Variants in CDYL2 observed in about 807,000 individuals in gnomAD.
CDYL2 encodes chromodomain Y like 2.
Under a neutral mutation model 49.4 loss-of-function variants are expected in CDYL2, and 23 were observed. The ratio of observed to expected loss-of-function variants is 0.47; its 90% CI spans 0.34 to 0.66. CDYL2 has a LOEUF of 0.66. Among genes scored for constraint, CDYL2 ranks in the 30% least tolerant of loss-of-function variants. CDYL2 has a pLI of 0.01. For missense variants in CDYL2, 678 were observed against 656.4 expected (o/e 1.03, Z -0.36); for synonymous variants, 360 against 268.8 (o/e 1.34, Z -3.32).
intron 1 of CDYL2, among the ~76,000 whole-genome samples, chr16:80,699,047 T>C (rs1904288075): frequency 6.6e-6 from 1 of 152,120 alleles, no homozygotes; most frequent in Non-Finnish European, 1.5e-5. Flanking sequence ...AAGAGAACTT[T>C]ATAAACTGTT....
At chr16:80,775,641 C>T (rs1907057965) in intron 1 of CDYL2, among the ~76,000 whole-genome samples, 1 of 151,732 alleles carries the variant, frequency 6.6e-6, no homozygotes, top group African/African-American at 2.4e-5. Flanking sequence ...GAATGATCAA[C>T]AGAAAATATA....
rs1910133804 is a variant in CDYL2 at position 80,685,048 on chromosome 16, C to T, written c.106G>A (p.Glu36Lys). 3 of 1,614,072 alleles carry T rather than the reference C, an allele frequency of 1.9e-6. No homozygotes were observed. Among genetic ancestry groups the T allele is most frequent in the Non-Finnish European group, 2.5e-6 (3 of 1,180,050 alleles). The change falls in exon 2 of 7, where the codon GAG becomes AAG. Residue 36 changes from glutamate to lysine, a missense_variant. This residue lies in a region of CDYL2 where 478 missense variants were observed against 427.0 expected (regional missense o/e 1.12). Transcript: ENST00000570137. ...LIRWKGYGST[E>K]DTWEPEHHLL... is the part of the protein sequence containing the mutation. ...TGGTGCTCCGGCTCCCACGTGTCCT[C>T]GGTGCTCCCGTAGCCTTTCCATCGG...
At chr16:80,725,013 C>T (rs1027975736) in intron 1 of CDYL2, among the ~76,000 whole-genome samples, 1 of 152,188 alleles carries the variant, frequency 6.6e-6, no homozygotes, top group Admixed American at 6.5e-5. Flanking sequence ...TAAGCATGGT[C>T]TAGATGCCAC....
intron 2 of CDYL2, among the ~76,000 whole-genome samples, chr16:80,683,898 G>C (rs759615056): frequency 6.6e-6 from 1 of 152,210 alleles, no homozygotes; most frequent in African/African-American, 2.4e-5. Context: ...TGAGAAATTA[G>C]ATTTCCATTT....
At chr16:80,722,170 C>T (rs1458001009) in intron 1 of CDYL2, among the ~76,000 whole-genome samples, 2 of 151,162 alleles carry the variant, frequency 1.3e-5, no homozygotes, top group African/African-American at 4.9e-5. Context: ...ATAGAATCAC[C>T]CAAAGAGGTT....
intron 2 of CDYL2, among the ~76,000 whole-genome samples, chr16:80,684,002 G>C (rs912514124): frequency 2.0e-5 from 3 of 152,236 alleles, no homozygotes; most frequent in Non-Finnish European, 4.4e-5. Context: ...CCTAGAGATA[G>C]CAGAAGGACA....
chr16:80,607,549 G>C (rs960522678), intron 6 of CDYL2, among the ~76,000 whole-genome samples: 6 of 152,236 alleles, frequency 3.9e-5, no homozygotes, highest in African/African-American at 1.4e-4. Flanking sequence ...CGCTCTGAGT[G>C]ACTGTTATGA....
intron 1 of CDYL2, among the ~76,000 whole-genome samples, chr16:80,802,732 G>T (rs935124926): frequency 6.6e-6 from 1 of 152,160 alleles, no homozygotes; most frequent in Non-Finnish European, 1.5e-5. Flanking sequence ...TCACACAGGA[G>T]ACCTGTGCTC....
chr16:80,799,024 T>C (rs1453458348), intron 1 of CDYL2, among the ~76,000 whole-genome samples: 2 of 151,788 alleles, frequency 1.3e-5, no homozygotes. Flanking sequence ...TATATATAGA[T>C]ATATATAGAT....
chr16:80,625,346 T>C (rs532252359), intron 3 of CDYL2, among the ~76,000 whole-genome samples: 1 of 152,338 alleles, frequency 6.6e-6, no homozygotes, highest in African/African-American at 2.4e-5. Flanking sequence ...CCTTCTCAGT[T>C]TGTGTCACTC....
chr16:80,649,254 C>A (rs547867039), intron 2 of CDYL2, among the ~76,000 whole-genome samples: 2 of 152,154 alleles, frequency 1.3e-5, no homozygotes, highest in African/African-American at 4.8e-5. Flanking sequence ...GACTCCACAC[C>A]AAACAACTAT....
At chr16:80,761,913 G>A (rs1314282806) in intron 1 of CDYL2, among the ~76,000 whole-genome samples, 1 of 149,202 alleles carries the variant, frequency 6.7e-6, no homozygotes, top group Non-Finnish European at 1.5e-5. Flanking sequence ...GACTGGCCAG[G>A]CACGGTGGTG....
At chr16:80,747,253 G>A (rs1289386159) in intron 1 of CDYL2, among the ~76,000 whole-genome samples, 1 of 152,116 alleles carries the variant, frequency 6.6e-6, no homozygotes, top group Non-Finnish European at 1.5e-5. Flanking sequence ...CCCATAGTGA[G>A]GATCTCAGCA....
At chr16:80,733,920 T>C (rs1280398955) in intron 1 of CDYL2, among the ~76,000 whole-genome samples, 1 of 152,318 alleles carries the variant, frequency 6.6e-6, no homozygotes, top group East Asian at 1.9e-4. Flanking sequence ...AACTCTGCAA[T>C]GACTCCCCAA....
At chr16:80,799,109 T>C (rs1026221061) in intron 1 of CDYL2, among the ~76,000 whole-genome samples, 1 of 152,078 alleles carries the variant, frequency 6.6e-6, no homozygotes, top group African/African-American at 2.4e-5. Flanking sequence ...TTTTTTTAAA[T>C]TACATAAACA....
At chr16:80,725,274 C>G (rs1413227425) in intron 1 of CDYL2, among the ~76,000 whole-genome samples, 2 of 152,172 alleles carry the variant, frequency 1.3e-5, no homozygotes, top group African/African-American at 4.8e-5. Context: ...ATGTCACTTC[C>G]TTGGAGCATC....
rs1039649690 is a variant in CDYL2 at position 80,789,984 on chromosome 16, C to T, written c.24+14166G>A. Among the ~76,000 whole-genome samples the T allele has an allele frequency of 3.9e-5, 6 of 152,124 alleles. No individual in the cohort carries two copies. The East Asian group carries it at 7.7e-4, about 20-fold the overall frequency. ...TACAATATGATGGCTACACTAGAAA[C>T]GCAGCCCCCACCACTATACATGTAA... is the stretch of plus-strand genomic sequence containing the variant. On this transcript the variant is annotated intron_variant, in intron 1 of 6. Transcript: ENST00000570137.
chr16:80,731,612 A>G (rs1460821843), intron 1 of CDYL2, among the ~76,000 whole-genome samples: 1 of 152,206 alleles, frequency 6.6e-6, no homozygotes, highest in African/African-American at 2.4e-5. Flanking sequence ...AAATAGTTTT[A>G]CAGTGGAAGA....
intron 2 of CDYL2, among the ~76,000 whole-genome samples, chr16:80,634,191 A>ATG (rs988807211): frequency 2.0e-5 from 3 of 149,746 alleles, no homozygotes; most frequent in Admixed American, 1.3e-4. Flanking sequence ...ATAAAGACAT[A>ATG]TACACATATG....
Sources: gnomAD v4.1 joint callset for allele counts (sites outside exome capture counted in the v4.1 genomes callset) on GRCh38, gnomAD v4.1.1 for gene constraint, gnomAD v4.1.1 regional missense constraint, MANE v1.5 for transcripts, NCBI Gene and HGNC (gene_info 2026-07-23, HGNC 2026-07-21) for gene names.